TEX50: variants seen among roughly 807,000 people sequenced by gnomAD.
The protein encoded by TEX50 is testis expressed 50.
In TEX50, 3 loss-of-function variants were observed where a neutral mutation model predicts 9.8. That is an observed-to-expected ratio of 0.31 (90% confidence interval 0.14 to 0.79). TEX50 has a LOEUF of 0.79. Ranked by LOEUF, TEX50 falls within the 30% of genes least tolerant of loss-of-function variation. TEX50 has a pLI of 0.63. For synonymous variants in TEX50, 61 were observed against 72.1 expected, an observed-to-expected ratio of 0.85 and a Z score of 0.78; for missense variants, 164 against 199.3, an observed-to-expected ratio of 0.82 and a Z score of 1.07.
At position 173,637,038 on chromosome 1, in the gene TEX50, T is replaced by TA. The variant is rs1217048301; in HGVS notation, c.*5dup. 1 of 1,485,574 alleles carries TA rather than the reference T, an allele frequency of 6.7e-7. No individual in the cohort carries two copies. The highest frequency in any genetic ancestry group is 1.4e-5 in the African/African-American group (1 of 71,502). The allele number at this position is 1,485,574 out of a possible 1,614,324, so 92.0% of individuals were successfully genotyped here. A position where few individuals can be genotyped will look rare whatever the true frequency, so the allele number is the denominator to read the frequency against. The stretch of plus-strand genomic sequence containing the variant: ...GAAGAAGGAGCCAGAAGATACTAAA[T>TA]AAATGCATATGCAAATGTAGCTTAG... On this transcript the variant is annotated 3_prime_UTR_variant, in exon 2 of 2. Transcript: ENST00000417563.
Position 173,635,606 on chromosome 1 carries a change from G to A in TEX50, c.85G>A (p.Val29Ile), listed in dbSNP as rs1668395600. Residue 29 changes from valine (V) to isoleucine (I), a missense_variant, in exon 1 of 2, where the codon GTC becomes ATC. By Grantham distance (29) the Val-to-Ile change is conservative. This residue lies in a region of TEX50 where 5 missense variants were observed against 23.1 expected (regional missense o/e 0.22). Transcript: ENST00000417563. ...GAGTTTCTGCATTTGTGATGGAACTGTCTGGACAAAGGTTGGATGGGAGAT... is the reference window on the plus strand; with the variant it reads ...GAGTTTCTGCATTTGTGATGGAACTATCTGGACAAAGGTTGGATGGGAGAT... ...GESFCICDGT[V>I]WTKVGWEILP... 6.5e-7 allele frequency: 1 copy of A among 1,535,488 alleles called. No individual in the cohort carries two copies. The highest frequency in any genetic ancestry group is 1.4e-5 in the African/African-American group (1 of 73,002).
In TEX50 at chr1:173,635,428, A is replaced by G; in HGVS notation, c.-94A>G. On this transcript the variant is annotated 5_prime_UTR_variant, in exon 1 of 2. Coordinates refer to ENST00000417563, the MANE Select transcript of TEX50 (RefSeq NM_001195190.3). ...CCTGGTATTTTCTGCTTCCCTTCGTAGGGAATTTAGTTATTTTATTTTATT... is the reference window on the plus strand; with the variant it reads ...CCTGGTATTTTCTGCTTCCCTTCGTGGGGAATTTAGTTATTTTATTTTATT... The G allele has an allele frequency of 1.1e-6, 1 of 950,676 alleles. No homozygotes were observed. The highest frequency in any genetic ancestry group is 1.5e-6 in the Non-Finnish European group (1 of 660,018). The allele number at this position is 950,676 out of a possible 1,614,324, so 58.9% of individuals were successfully genotyped here.
rs959339907 is a variant in TEX50, at chr1:173,637,011, A to G, written c.509A>G (p.Lys170Arg). ...IKHCKLKKKS[K>R]EEGARRY ...CACTGCAAATTAAAGAAGAAGAGTAAAGAAGAAGGAGCCAGAAGATACTAA... is the reference window on the plus strand; with the variant it reads ...CACTGCAAATTAAAGAAGAAGAGTAGAGAAGAAGGAGCCAGAAGATACTAA... Residue 170 changes from lysine to arginine, a missense_variant, in exon 2 of 2, where the codon AAA (lysine) becomes AGA (arginine). Transcript: ENST00000417563. 2.0e-6 allele frequency: 3 copies of G among 1,533,646 alleles called. No individual in the cohort carries two copies. Among genetic ancestry groups the G allele is most frequent in the East Asian group, 2.4e-5 (1 of 40,890 alleles).
At chr1:173,635,906 T>C in intron 1 of TEX50, 61 bp downstream of exon 1, 1 of 1,237,306 alleles carries the variant, frequency 8.1e-7, no homozygotes, top group Admixed American at 2.7e-5. Flanking sequence ...AACATAATAT[T>C]ACTAGTTTCT....
At position 173,635,720 on chromosome 1, in the gene TEX50, G is replaced by C; in HGVS notation, c.199G>C (p.Ala67Pro). The C allele has an allele frequency of 6.5e-7, 1 of 1,535,522 alleles. No individual in the cohort carries two copies. The highest frequency in any genetic ancestry group is 8.7e-7 in the Non-Finnish European group (1 of 1,146,540). Reference protein sequence around the residue: ...YLLDKLCCDFANMDIFQGCLY... With the variant: ...YLLDKLCCDFPNMDIFQGCLY... ...TCTGGATAAACTATGCTGCGACTTT[G>C]CTAACATGGATATATTTCAGGGTTG... Residue 67 changes from alanine (A) to proline (P), a missense_variant, in exon 1 of 2, where the codon GCT (alanine) becomes CCT (proline). Physicochemically the swap from Ala to Pro is conservative, Grantham distance 27. This residue lies in a region of TEX50 where 135 missense variants were observed against 154.2 expected (regional missense o/e 0.88). Transcript: ENST00000417563.
In TEX50 at chr1:173,636,939, A is replaced by G; in HGVS notation, c.437A>G (p.Lys146Arg). ...RVATTASVIYKIWEHRSHHPS... is the reference protein window; with the variant it reads ...RVATTASVIYRIWEHRSHHPS... ...GCAACCACAGCATCAGTGATATACA[A>G]GATCTGGGAGCACAGGTCTCACCAT... The change falls in exon 2 of 2, where the codon AAG (lysine) becomes AGG (arginine). Residue 146 changes from lysine (K) to arginine (R), a missense_variant. By Grantham distance (26) the Lys-to-Arg change is conservative. This residue lies in a region of TEX50 where 135 missense variants were observed against 154.2 expected (regional missense o/e 0.88). Coordinates refer to ENST00000417563, the MANE Select transcript of TEX50 (RefSeq NM_001195190.3). 6.5e-7 allele frequency: 1 copy of G among 1,535,840 alleles called. No individual in the cohort carries two copies. Among genetic ancestry groups the G allele is most frequent in the African/African-American group, 1.4e-5 (1 of 73,176 alleles).
In TEX50 at chr1:173,635,595, G is replaced by A. The variant is rs1668395220; in HGVS notation, c.74G>A (p.Cys25Tyr). ...TTCTTCGGGGAGAGTTTCTGCATTT[G>A]TGATGGAACTGTCTGGACAAAGGTT... ...ICFFGESFCI[C>Y]DGTVWTKVGW... Residue 25 changes from cysteine to tyrosine, a missense_variant, in exon 1 of 2, where the codon TGT becomes TAT. This residue lies in a region of TEX50 where 5 missense variants were observed against 23.1 expected (regional missense o/e 0.22). Transcript: ENST00000417563. 8.5e-6 allele frequency: 13 copies of A among 1,535,420 alleles called. No individual in the cohort carries two copies. The highest frequency in any genetic ancestry group is 1.1e-5 in the Non-Finnish European group (13 of 1,146,512).
At chr1:173,636,064 T>G (rs1668426473) in intron 1 of TEX50, among the ~76,000 whole-genome samples, 1 of 152,096 alleles carries the variant, frequency 6.6e-6, no homozygotes, top group Non-Finnish European at 1.5e-5. Context: ...TCTAGCCCCC[T>G]CTACTTCAAG....
Position 173,635,682 on chromosome 1 carries a change from G to T in TEX50, c.161G>T (p.Cys54Phe). 1 of 1,535,622 alleles carries T rather than the reference G, an allele frequency of 6.5e-7. No homozygotes were observed. The stretch of plus-strand genomic sequence containing the variant: ...AAAGTTAAGGGTTCTCCATCTCACT[G>T]CCTGCCTTATCTTCTGGATAAACTA... ...YWKVKGSPSH[C>F]LPYLLDKLCC... The change falls in exon 1 of 2, where the codon TGC becomes TTC. Residue 54 changes from cysteine (C) to phenylalanine (F), a missense_variant. Cys to Phe is a radical substitution (Grantham distance 205). Around this residue, in one of 3 missense-constraint regions of TEX50, gnomAD observed 135 missense variants for 154.2 expected, o/e 0.88. Coordinates refer to ENST00000417563, the MANE Select transcript of TEX50 (RefSeq NM_001195190.3).
chr1:173,636,748 A>G (rs1668462095), intron 1 of TEX50, 79 bp from the exon 2 acceptor site: 2 of 989,354 alleles, frequency 2.0e-6, no homozygotes. Flanking sequence ...TTTAATTTGA[A>G]CTATATTATT....
At position 173,635,854 on chromosome 1, in the gene TEX50, G is replaced by C. The variant is rs764890033; in HGVS notation, c.324+9G>C. 3 of 1,506,930 alleles carry C rather than the reference G, an allele frequency of 2.0e-6. No homozygotes were observed. The South Asian group carries it at 3.6e-5, about 18-fold the overall frequency. The allele number at this position is 1,506,930 out of a possible 1,614,324, so 93.3% of individuals were successfully genotyped here. On this transcript the variant is annotated intron_variant, in intron 1 of 1. Coordinates refer to ENST00000417563, the MANE Select transcript of TEX50 (RefSeq NM_001195190.3). The stretch of plus-strand genomic sequence containing the variant: ...AGAAACACCAAAAAAAGGTGAATTC[G>C]TGATACAAGTAGTAATAGTTACAAA...
In TEX50 at chr1:173,637,094, C is replaced by T; in HGVS notation, c.*58C>T. The T allele has an allele frequency of 8.6e-7, 1 of 1,165,140 alleles. No individual in the cohort carries two copies. The highest frequency in any genetic ancestry group is 1.4e-5 in the South Asian group (1 of 69,594). 72.2% of individuals were successfully genotyped at this position (1,165,140 alleles called of 1,614,324 possible). On this transcript the variant is annotated 3_prime_UTR_variant, in exon 2 of 2. Coordinates refer to ENST00000417563, the MANE Select transcript of TEX50 (RefSeq NM_001195190.3). ...TATAGATATCACAAAAGAAATCTAT[C>T]ATCTAAGGATTAAAAATTGTTCTTT...
In TEX50 at chr1:173,636,856, T is replaced by C. The variant is rs751386378; in HGVS notation, c.354T>C (p.Pro118=). The change falls in exon 2 of 2, where the codon CCT becomes CCC. Residue 118 remains proline (P), a synonymous_variant. Transcript: ENST00000417563. ...KLKKQASLEK[P]GNDLESPLIN... Reference sequence around the variant, plus strand: ...AAAAGCAAGCCTCCTTAGAAAAACCTGGTAATGATCTAGAAAGCCCATTGA... The same window carrying C: ...AAAAGCAAGCCTCCTTAGAAAAACCCGGTAATGATCTAGAAAGCCCATTGA... 2.1e-5 allele frequency: 33 copies of C among 1,535,814 alleles called. No homozygotes were observed. In the South Asian group the frequency reaches 3.3e-4, roughly 16 times the overall value.
Position 173,635,725 on chromosome 1 carries a change from C to T in TEX50, c.204C>T (p.Asn68=), listed in dbSNP as rs768824207. 6.5e-7 allele frequency: 1 copy of T among 1,535,588 alleles called. No homozygotes were observed. The highest frequency in any genetic ancestry group is 2.0e-5 in the Admixed American group (1 of 50,970). ...LLDKLCCDFA[N]MDIFQGCLYL... ...ATAAACTATGCTGCGACTTTGCTAACATGGATATATTTCAGGGTTGTTTAT... is the reference window on the plus strand; with the variant it reads ...ATAAACTATGCTGCGACTTTGCTAATATGGATATATTTCAGGGTTGTTTAT... Residue 68 remains asparagine, a synonymous_variant, in exon 1 of 2, where the codon AAC becomes AAT. Coordinates refer to ENST00000417563, the MANE Select transcript of TEX50 (RefSeq NM_001195190.3).
Position 173,635,638 on chromosome 1 carries a change from A to G in TEX50, c.117A>G (p.Pro39=). 1 of 1,535,682 alleles carries G rather than the reference A, an allele frequency of 6.5e-7. No individual in the cohort carries two copies. Among genetic ancestry groups the G allele is most frequent in the Non-Finnish European group, 8.7e-7 (1 of 1,146,576 alleles). The change falls in exon 1 of 2, where the codon CCA becomes CCG. Residue 39 remains proline (P), a synonymous_variant. Transcript: ENST00000417563. ...VWTKVGWEIL[P]EEVHYWKVKG... ...CAAAGGTTGGATGGGAGATTCTTCC[A>G]GAAGAAGTACATTATTGGAAAGTTA...
At position 173,636,962 on chromosome 1, in the gene TEX50, C is replaced by A. The variant is rs1285946156; in HGVS notation, c.460C>A (p.His154Asn). 1 of 1,535,628 alleles carries A rather than the reference C, an allele frequency of 6.5e-7. No individual in the cohort carries two copies. The highest frequency in any genetic ancestry group is 8.7e-7 in the Non-Finnish European group (1 of 1,146,622). ...IYKIWEHRSH[H>N]PSSKKIKHCK... ...CAAGATCTGGGAGCACAGGTCTCAC[C>A]ATCCTTCCTCTAAGAAAATTAAGCA... The change falls in exon 2 of 2, where the codon CAT becomes AAT. Residue 154 changes from histidine (H) to asparagine (N), a missense_variant. This residue lies in a region of TEX50 where 135 missense variants were observed against 154.2 expected (regional missense o/e 0.88). Coordinates refer to ENST00000417563, the MANE Select transcript of TEX50 (RefSeq NM_001195190.3).
Position 173,635,550 on chromosome 1 carries a change from T to C in TEX50, c.29T>C (p.Phe10Ser), listed in dbSNP as rs936448452. MSNQRLPLIFSLLFICFFGE... is the reference protein window; with the variant it reads MSNQRLPLISSLLFICFFGE... ...TCTAATCAAAGACTACCGCTGATTT[T>C]TTCTCTGTTGTTTATCTGCTTCTTC... Residue 10 changes from phenylalanine (F) to serine (S), a missense_variant, in exon 1 of 2, where the codon TTT becomes TCT. Physicochemically the swap from Phe to Ser is radical, Grantham distance 155. Around this residue, in one of 3 missense-constraint regions of TEX50, gnomAD observed 24 missense variants for 22.0 expected, o/e 1.09. Coordinates refer to ENST00000417563, the MANE Select transcript of TEX50 (RefSeq NM_001195190.3). 3 of 1,532,430 alleles carry C rather than the reference T, an allele frequency of 2.0e-6. No individual in the cohort carries two copies. Among genetic ancestry groups the C allele is most frequent in the Non-Finnish European group, 2.6e-6 (3 of 1,144,704 alleles). The allele number at this position is 1,532,430 out of a possible 1,614,324, so 94.9% of individuals were successfully genotyped here.
chr1:173,635,556 T>G lies in TEX50; in HGVS notation c.35T>G (p.Leu12Arg). 1 of 1,533,756 alleles carries G rather than the reference T, an allele frequency of 6.5e-7. No individual in the cohort carries two copies. Residue 12 changes from leucine (L) to arginine (R), a missense_variant, in exon 1 of 2, where the codon CTG becomes CGG. By Grantham distance (102) the Leu-to-Arg change is moderately radical (BLOSUM62 -2). This residue lies in a region of TEX50 where 24 missense variants were observed against 22.0 expected (regional missense o/e 1.09). Transcript: ENST00000417563. ...SNQRLPLIFS[L>R]LFICFFGESF... ...CAAAGACTACCGCTGATTTTTTCTC[T>G]GTTGTTTATCTGCTTCTTCGGGGAG...
At chr1:173,636,450 T>C (rs1480964547) in intron 1 of TEX50, among the ~76,000 whole-genome samples, 2 of 152,206 alleles carry the variant, frequency 1.3e-5, no homozygotes. Context: ...AAGAATTAGA[T>C]ATTTATAAAT....
Sources: gnomAD v4.1 joint callset for allele counts (sites outside exome capture counted in the v4.1 genomes callset) on GRCh38, gnomAD v4.1.1 for gene constraint, gnomAD v4.1.1 regional missense constraint, MANE v1.5 for transcripts, NCBI Gene and HGNC (gene_info 2026-07-23, HGNC 2026-07-21) for gene names.